Variants in STAB2 observed in about 807,000 individuals in gnomAD.
STAB2 encodes stabilin-2.
In STAB2, 288 loss-of-function variants were observed where a neutral mutation model predicts 338.1. The ratio of observed to expected loss-of-function variants is 0.85; its 90% CI spans 0.77 to 0.94. STAB2 has a LOEUF of 0.94. Ranked by LOEUF, STAB2 falls within the 40% of genes least tolerant of loss-of-function variation. The probability of loss-of-function intolerance (pLI) is 0.00; values close to 1 mark genes in which losing one functional copy is unlikely to be tolerated. For missense variants in STAB2, 3,141 were observed against 3,210.1 expected (o/e 0.98, Z 0.52); for synonymous variants, 1,202 against 1,193.3 (o/e 1.01, Z -0.15).
At chr12:103,703,857 T>C (rs1289516445) in intron 35 of STAB2, among the ~76,000 whole-genome samples, 1 of 152,236 alleles carries the variant, frequency 6.6e-6, no homozygotes, top group Non-Finnish European at 1.5e-5. Flanking sequence ...TTACATGCAC[T>C]AACCTGTGTA....
Position 103,730,228 on chromosome 12 carries a change from C to T in STAB2, c.5195C>T (p.Thr1732Ile). ...KLLSPKNLLI[T>I]PKDNSGRILQ... ...CTATCTCCCAAAAATTTGCTTATCA[C>T]TCCCAAAGACAACTCTGGAAGAATT... The change falls in exon 49 of 69, where the codon ACT (threonine) becomes ATT (isoleucine). Residue 1732 changes from threonine to isoleucine, a missense_variant. Transcript: ENST00000388887. 3 of 1,613,644 alleles carry T rather than the reference C, an allele frequency of 1.9e-6. No individual in the cohort carries two copies. Among genetic ancestry groups the T allele is most frequent in the South Asian group, 2.2e-5 (2 of 91,056 alleles).
chr12:103,732,217 G>A (rs1191951377), intron 50 of STAB2, among the ~76,000 whole-genome samples: 2 of 152,174 alleles, frequency 1.3e-5, no homozygotes, highest in Non-Finnish European at 2.9e-5. Flanking sequence ...GGTGAGGCAG[G>A]AGAATCACTT....
At chr12:103,698,518 C>T (rs548297497) in intron 33 of STAB2, among the ~76,000 whole-genome samples, 4 of 152,148 alleles carry the variant, frequency 2.6e-5, no homozygotes, top group Admixed American at 2.6e-4. Context: ...GACATAGGCT[C>T]TCTCAGACAC....
At chr12:103,681,222 T>C (rs900885390) in intron 25 of STAB2, among the ~76,000 whole-genome samples, 1 of 152,202 alleles carries the variant, frequency 6.6e-6, no homozygotes, top group Non-Finnish European at 1.5e-5. Context: ...TGCAGTCTTA[T>C]GTCTTGCCAA....
At chr12:103,731,749 T>C (rs1024401951) in intron 50 of STAB2, 114 bp downstream of exon 50, 3 of 1,024,596 alleles carry the variant, frequency 2.9e-6, no homozygotes, top group Non-Finnish European at 2.9e-6. Flanking sequence ...TTGTGGGATC[T>C]GCATGGGGAA....
At position 103,677,577 on chromosome 12, in the gene STAB2, A is replaced by G. The variant is rs767194528; in HGVS notation, c.2771A>G (p.Asp924Gly). The G allele has an allele frequency of 5.6e-6, 9 of 1,614,064 alleles. No homozygotes were observed. The highest frequency in any genetic ancestry group is 6.8e-6 in the Non-Finnish European group (8 of 1,179,910). ...CTGCCCAGTGCAGGCGGCTGCCACG[A>G]CAACGCATCCTGTTTGTATGTGGGT... ...CLLPSAGGCH[D>G]NASCLYVGPG... The change falls in exon 25 of 69, where the codon GAC becomes GGC. Residue 924 changes from aspartate to glycine, a missense_variant. Transcript: ENST00000388887.
chr12:103,645,214 A>C (rs1042738672), intron 9 of STAB2, among the ~76,000 whole-genome samples: 10 of 152,372 alleles, frequency 6.6e-5, no homozygotes, highest in Non-Finnish European at 1.2e-4. Context: ...ACTCCTAATA[A>C]AAAGAAAACA....
At chr12:103,745,045 T>C in intron 56 of STAB2, 128 bp from the exon 57 acceptor site, 1 of 718,216 alleles carries the variant, frequency 1.4e-6, no homozygotes, top group Non-Finnish European at 2.2e-6. Context: ...TTTCAATGAA[T>C]GAATGAATGA....
intron 5 of STAB2, among the ~76,000 whole-genome samples, chr12:103,626,230 G>A (rs994817734): frequency 3.9e-5 from 6 of 152,170 alleles, no homozygotes; most frequent in Admixed American, 3.9e-4. Flanking sequence ...CACCTGAAAT[G>A]GGGCTAGTGC....
intron 60 of STAB2, among the ~76,000 whole-genome samples, chr12:103,751,936 T>C (rs1566077413): frequency 6.6e-6 from 1 of 152,072 alleles, no homozygotes; most frequent in African/African-American, 2.4e-5. Context: ...GCTTTCCCTA[T>C]AGGCACAGTT....
At chr12:103,765,436 G>A (rs911175025) in intron 68 of STAB2, among the ~76,000 whole-genome samples, 2 of 152,184 alleles carry the variant, frequency 1.3e-5, no homozygotes, top group Non-Finnish European at 2.9e-5. Context: ...TATTTTTAGT[G>A]ACTCCAGACA....
At chr12:103,736,059 T>C (rs1396331283) in intron 52 of STAB2, among the ~76,000 whole-genome samples, 1 of 152,250 alleles carries the variant, frequency 6.6e-6, no homozygotes, top group Non-Finnish European at 1.5e-5. Context: ...TGAACAATTC[T>C]GTCTTCCTGT....
chr12:103,713,279 T>G (rs148000921), intron 41 of STAB2, among the ~76,000 whole-genome samples: 3 of 152,304 alleles, frequency 2.0e-5, no homozygotes, highest in African/African-American at 7.2e-5. Context: ...TAAGGTCATT[T>G]TTCTCTTGAG....
chr12:103,636,808 C>T (rs535862999), intron 6 of STAB2, among the ~76,000 whole-genome samples: 2 of 152,158 alleles, frequency 1.3e-5, no homozygotes, highest in South Asian at 4.2e-4. Flanking sequence ...CAAGGCAGAT[C>T]CTTAAAGACT....
At position 103,745,816 on chromosome 12, in the gene STAB2, G is replaced by A. The variant is rs561375824; in HGVS notation, c.6136+539G>A. Among the ~76,000 whole-genome samples the A allele has an allele frequency of 3.9e-4, 59 of 152,296 alleles. 1 individual carries two copies. In the Middle Eastern group the frequency reaches 0.01, roughly 26 times the overall value. ...CATGGTTTTGAAGTTCCCAGTGTACGCAGATGCTCAAAACAAGCAGCTGCC... is the reference window on the plus strand; with the variant it reads ...CATGGTTTTGAAGTTCCCAGTGTACACAGATGCTCAAAACAAGCAGCTGCC... On this transcript the variant is annotated intron_variant, in intron 57 of 68. Transcript: ENST00000388887.
intron 33 of STAB2, among the ~76,000 whole-genome samples, chr12:103,696,244 G>T (rs1056109653): frequency 2.0e-5 from 3 of 151,992 alleles, no homozygotes; most frequent in African/African-American, 7.3e-5. Context: ...GGTTTCTCCA[G>T]AGCAGTGGTG....
rs780477316 is a variant in STAB2, at chr12:103,755,290, G to A, written c.6715-12G>A. The A allele has an allele frequency of 2.2e-5, 36 of 1,613,168 alleles. No homozygotes were observed. The South Asian group carries it at 3.8e-4, about 17-fold the overall frequency. On this transcript the variant is annotated splice_polypyrimidine_tract_variant and intron_variant, in intron 61 of 68. Coordinates refer to ENST00000388887, the MANE Select transcript of STAB2 (RefSeq NM_017564.10). Reference sequence around the variant, plus strand: ...TTGCAGCTGACCCATGGCCCTGTCTGTATCCCTGCAGGCCAAGTACCACCT... The same window carrying A: ...TTGCAGCTGACCCATGGCCCTGTCTATATCCCTGCAGGCCAAGTACCACCT...
intron 3 of STAB2, among the ~76,000 whole-genome samples, chr12:103,605,524 T>G (rs142936781): frequency 0.011 from 1,689 of 152,100 alleles, 13 homozygotes; most frequent in Non-Finnish European, 0.019. Context: ...CCTTAATAAT[T>G]TTAAGACTAC....
chr12:103,665,556 G>C (rs535925986), intron 18 of STAB2, among the ~76,000 whole-genome samples: 1 of 152,308 alleles, frequency 6.6e-6, no homozygotes, highest in South Asian at 2.1e-4. Context: ...AGGAAGCGTG[G>C]AAGAGGTGAC....
Sources: gnomAD v4.1 joint callset for allele counts (sites outside exome capture counted in the v4.1 genomes callset) on GRCh38, gnomAD v4.1.1 for gene constraint, MANE v1.5 for transcripts, NCBI Gene and HGNC (gene_info 2026-07-23, HGNC 2026-07-21) for gene names.